The following SLC16A14 variants were observed in gnomAD, a reference collection of about 807,000 sequenced individuals.
The protein encoded by SLC16A14 is monocarboxylate transporter 14.
Under a neutral mutation model 35.8 loss-of-function variants are expected in SLC16A14, and 14 were observed. The observed-to-expected ratio is 0.39, with a 90% CI of 0.26 to 0.61. SLC16A14 has a LOEUF of 0.61. Among genes scored for constraint, SLC16A14 ranks in the 20% least tolerant of loss-of-function variants. The pLI is 0.51. For missense variants in SLC16A14, 533 were observed against 655.0 expected, an observed-to-expected ratio of 0.81 and a Z score of 2.03; for synonymous variants, 248 against 258.9, an observed-to-expected ratio of 0.96 and a Z score of 0.40.
chr2:230,046,253 C>T lies in SLC16A14; in HGVS notation c.873G>A (p.Met291Ile). Residue 291 changes from methionine (M) to isoleucine (I), a missense_variant, in exon 4 of 5, where the codon ATG becomes ATA. Transcript: ENST00000295190. This position sits in a 1 kb window ranked among gnomAD's most constrained non-coding sequence, Gnocchi z 5.0. ...AGTCCTCGAAGCCCTTCCTGACTCT[C>T]ATGGTGAGCCAGCTGACAGTCTTCA... is the stretch of plus-strand genomic sequence containing the variant. ...RILKTVSWLT[M>I]RVRKGFEDWY... 2 of 1,614,230 alleles carry T rather than the reference C, an allele frequency of 1.2e-6. No individual in the cohort carries two copies. Among genetic ancestry groups the T allele is most frequent in the South Asian group, 1.1e-5 (1 of 91,088 alleles).
chr2:230,044,583 G>A (rs868481961), intron 4 of SLC16A14, among the ~76,000 whole-genome samples: 14 of 152,140 alleles, frequency 9.2e-5, no homozygotes, highest in South Asian at 4.1e-4. Context: ...GAGGGCACGC[G>A]CCAAAGAATG....
intron 2 of SLC16A14, among the ~76,000 whole-genome samples, chr2:230,053,501 G>A (rs761504683): frequency 2.0e-5 from 3 of 152,114 alleles, no homozygotes; most frequent in African/African-American, 7.2e-5. Context: ...AAAGTGTCCT[G>A]GCCAGGTGTG....
At position 230,046,970 on chromosome 2, in the gene SLC16A14, A is replaced by T. The variant is rs2077614341; in HGVS notation, c.404-248T>A. 6.6e-6 allele frequency among the ~76,000 whole-genome samples: 1 copy of T among 152,148 alleles called. No individual in the cohort carries two copies. Among genetic ancestry groups the T allele is most frequent in the South Asian group, 2.1e-4 (1 of 4,826 alleles). On this transcript the variant is annotated intron_variant, in intron 3 of 4. Coordinates refer to ENST00000295190, the MANE Select transcript of SLC16A14 (RefSeq NM_152527.5). The surrounding 1 kb of genome is among the most constrained non-coding windows in gnomAD (Gnocchi z 5.0). ...GCTTTGCTGCACAAGTTCCTCCAATAACAAAATGGAGCAGCATTCTCCCAT... is the reference window on the plus strand; with the variant it reads ...GCTTTGCTGCACAAGTTCCTCCAATTACAAAATGGAGCAGCATTCTCCCAT...
At chr2:230,064,835 A>T (rs545722617) in intron 1 of SLC16A14, among the ~76,000 whole-genome samples, 1 of 152,120 alleles carries the variant, frequency 6.6e-6, no homozygotes, top group African/African-American at 2.4e-5. Context: ...ACATGGAGAA[A>T]CCCTGTCTCT....
intron 4 of SLC16A14, chr2:230,045,514 C>T (rs956332783): frequency 1.8e-5 from 9 of 498,288 alleles, no homozygotes; most frequent in South Asian, 1.3e-4. Flanking sequence ...GAGCTGAGAG[C>T]GCACCACTGC....
chr2:230,049,328 C>T (rs986874171), intron 3 of SLC16A14, among the ~76,000 whole-genome samples: 1 of 151,748 alleles, frequency 6.6e-6, no homozygotes, highest in Non-Finnish European at 1.5e-5. Context: ...GATCTGCCCA[C>T]CTTGGCCTTC....
rs1371543550 is a variant in SLC16A14, at chr2:230,036,408, A to T, written c.*972T>A. 6.6e-6 allele frequency: 1 copy of T among 152,256 alleles called. No individual in the cohort carries two copies. The highest frequency in any genetic ancestry group is 1.5e-5 in the Non-Finnish European group (1 of 68,046). The allele number at this position is 152,256 out of a possible 1,614,324, so 9.4% of individuals were successfully genotyped here. ...TGGCACAGACATCTACACTAATGGC[A>T]TTCCATTTATTATCCTCACAAATTG... On this transcript the variant is annotated 3_prime_UTR_variant, in exon 5 of 5. Transcript: ENST00000295190.
At chr2:230,041,334 GTTTTATTTTA>G (rs985349256) in intron 4 of SLC16A14, among the ~76,000 whole-genome samples, 1 of 151,954 alleles carries the variant, frequency 6.6e-6, no homozygotes, top group Non-Finnish European at 1.5e-5. Flanking sequence ...ACATAATTTT[GTTTTATTTTA>G]TTTTATTTTA....
At chr2:230,065,766 T>C (rs2077790317) in intron 1 of SLC16A14, among the ~76,000 whole-genome samples, 1 of 151,976 alleles carries the variant, frequency 6.6e-6, no homozygotes, top group South Asian at 2.1e-4. Flanking sequence ...TTCATATAAT[T>C]ATATACATGT....
At chr2:230,057,920 T>C (rs2077718820) in intron 2 of SLC16A14, among the ~76,000 whole-genome samples, 1 of 151,890 alleles carries the variant, frequency 6.6e-6, no homozygotes, top group South Asian at 2.1e-4. Context: ...TCCCAGCTAC[T>C]AGGGAGGCTG....
Position 230,046,462 on chromosome 2 carries a change from C to G in SLC16A14, c.664G>C (p.Gly222Arg). The G allele has an allele frequency of 6.2e-7, 1 of 1,614,216 alleles. No homozygotes were observed. ...LSPGKNPNDP[G>R]EKDVRGLPAH... Reference sequence around the variant, plus strand: ...GGCAGGCCACGCACATCTTTCTCTCCTGGGTCGTTTGGGTTTTTACCAGGA... The same window carrying G: ...GGCAGGCCACGCACATCTTTCTCTCGTGGGTCGTTTGGGTTTTTACCAGGA... The change falls in exon 4 of 5, where the codon GGA becomes CGA. Residue 222 changes from glycine to arginine, a missense_variant. Physicochemically the swap from Gly to Arg is moderately radical, Grantham distance 125. Transcript: ENST00000295190. The surrounding 1 kb of genome is among the most constrained non-coding windows in gnomAD (Gnocchi z 5.0).
chr2:230,061,099 A>G (rs911234286), intron 1 of SLC16A14, among the ~76,000 whole-genome samples: 21 of 152,308 alleles, frequency 1.4e-4, no homozygotes, highest in Non-Finnish European at 1.6e-4. Flanking sequence ...GCCATGGAGC[A>G]CCAAGGACAG....
At chr2:230,041,052 C>T (rs2077556812) in intron 4 of SLC16A14, among the ~76,000 whole-genome samples, 1 of 152,190 alleles carries the variant, frequency 6.6e-6, no homozygotes, top group Non-Finnish European at 1.5e-5. Context: ...ATCCAAGCAC[C>T]AATTCAAACC....
chr2:230,067,404 T>A (rs2077807857), intron 1 of SLC16A14, among the ~76,000 whole-genome samples: 1 of 152,108 alleles, frequency 6.6e-6, no homozygotes, highest in Non-Finnish European at 1.5e-5. Flanking sequence ...ATCTGAGCCA[T>A]CAAATGGGAG....
intron 4 of SLC16A14, 37 bp from the exon 5 acceptor site, chr2:230,037,568 G>A (rs2077528478): frequency 2.0e-6 from 3 of 1,504,390 alleles, no homozygotes; most frequent in Middle Eastern, 2.2e-4. Context: ...GTGTCATGGA[G>A]TTGATACAAT....
intron 2 of SLC16A14, among the ~76,000 whole-genome samples, chr2:230,055,914 T>A (rs2077699919): frequency 6.6e-6 from 1 of 152,222 alleles, no homozygotes; most frequent in South Asian, 2.1e-4. Flanking sequence ...ACAGTTTTCC[T>A]TTACTAACTT....
intron 4 of SLC16A14, among the ~76,000 whole-genome samples, chr2:230,040,395 G>T (rs1037169371): frequency 6.6e-6 from 1 of 151,926 alleles, no homozygotes; most frequent in Non-Finnish European, 1.5e-5. Context: ...GCTAATTTTT[G>T]TATTTTTAGT....
intron 3 of SLC16A14, 93 bp downstream of exon 3, chr2:230,049,668 T>TTTTAATG: frequency 7.3e-7 from 1 of 1,372,414 alleles, no homozygotes; most frequent in Non-Finnish European, 1.0e-6. Context: ...GAACAGAATG[T>TTTTAATG]TTTAATGTGT....
In SLC16A14 at chr2:230,036,899, T is replaced by G. The variant is rs1198681944; in HGVS notation, c.*481A>C. ...CCTTTGTTTGATGCTAGTAGATCAATAGCTCCCTGTAATAATTAATTTCTG... is the reference window on the plus strand; with the variant it reads ...CCTTTGTTTGATGCTAGTAGATCAAGAGCTCCCTGTAATAATTAATTTCTG... On this transcript the variant is annotated 3_prime_UTR_variant, in exon 5 of 5. Coordinates refer to ENST00000295190, the MANE Select transcript of SLC16A14 (RefSeq NM_152527.5). 6.6e-6 allele frequency: 1 copy of G among 152,302 alleles called. No homozygotes were observed. Among genetic ancestry groups the G allele is most frequent in the Non-Finnish European group, 1.5e-5 (1 of 68,084 alleles). 9.4% of individuals were successfully genotyped at this position (152,302 alleles called of 1,614,324 possible). A position where few individuals can be genotyped will look rare whatever the true frequency, so the allele number is the denominator to read the frequency against.
Sources: allele counts gnomAD v4.1 joint callset (sites outside exome capture counted in the v4.1 genomes callset), GRCh38; gene constraint gnomAD v4.1.1; non-coding constraint Gnocchi (gnomAD v3.1); transcripts MANE v1.5; gene names NCBI Gene and HGNC (gene_info 2026-07-23, HGNC 2026-07-21).